DPH5: variants seen among roughly 807,000 people sequenced by gnomAD.
DPH5 encodes diphthamide biosynthesis 5, also known as diphthine methyl ester synthase.
In DPH5, 31 loss-of-function variants were observed where a neutral mutation model predicts 31.6. That is an observed-to-expected ratio of 0.98 (90% CI 0.74 to 1.32). DPH5 has a LOEUF of 1.32. DPH5 is among the 40% of genes most tolerant of loss of function. DPH5 has a pLI of 0.00. For synonymous variants in DPH5, 120 were observed against 115.0 expected (o/e 1.04, Z -0.28); for missense variants, 309 against 335.7 (o/e 0.92, Z 0.62).
chr1:101,025,119 C>G (rs146191755), intron 2 of DPH5, 190 bp downstream of exon 2: 8,552 of 652,430 alleles, frequency 0.013, 159 homozygotes, highest in Non-Finnish European at 0.011. Flanking sequence ...GACAAAGCAC[C>G]CTTTCATTTT....
At chr1:101,001,915 G>A (rs1039521420) in intron 4 of DPH5, among the ~76,000 whole-genome samples, 4 of 151,642 alleles carry the variant, frequency 2.6e-5, no homozygotes, top group Admixed American at 1.3e-4. Flanking sequence ...AAAAAAAAAA[G>A]AGTTCTGAGC....
chr1:101,009,931 G>T (rs1445617452), intron 4 of DPH5, among the ~76,000 whole-genome samples: 1 of 152,138 alleles, frequency 6.6e-6, no homozygotes, highest in Non-Finnish European at 1.5e-5. Flanking sequence ...TCCTCTGTAT[G>T]GAATATGCTA....
chr1:101,002,281 C>G (rs1167527865), intron 4 of DPH5, among the ~76,000 whole-genome samples: 1 of 152,192 alleles, frequency 6.6e-6, no homozygotes, highest in Non-Finnish European at 1.5e-5. Flanking sequence ...CTGATCCAGA[C>G]TGGCTGAACT....
chr1:101,021,619 C>A (rs1660447897), intron 3 of DPH5, 22 bp downstream of exon 3: 1 of 1,592,232 alleles, frequency 6.3e-7, no homozygotes, highest in South Asian at 1.1e-5. Context: ...GTTAAAAACT[C>A]AAAATATCTG....
Position 101,021,680 on chromosome 1 carries a change from A to G in DPH5, c.221T>C (p.Ile74Thr), listed in dbSNP as rs1660452531. Residue 74 changes from isoleucine (I) to threonine (T), a missense_variant, in exon 3 of 8, where the codon ATC (isoleucine) becomes ACC (threonine). Coordinates refer to ENST00000370109, the MANE Select transcript of DPH5 (RefSeq NM_015958.3). ...EADNILKDAD[I>T]SDVAFLVVGD... ...AACCACAAGGAATGCAACATCACTG[A>G]TATCAGCATCCTTTAAAATATTATC... 1.2e-6 allele frequency: 2 copies of G among 1,613,812 alleles called. No individual in the cohort carries two copies. The highest frequency in any genetic ancestry group is 1.3e-5 in the African/African-American group (1 of 74,916).
intron 4 of DPH5, among the ~76,000 whole-genome samples, chr1:101,003,638 T>C (rs1270334465): frequency 6.6e-6 from 1 of 152,222 alleles, no homozygotes; most frequent in African/African-American, 2.4e-5. Flanking sequence ...TGCCTAGTAG[T>C]GCCTTGCACA....
At chr1:101,007,023 C>T in intron 4 of DPH5, among the ~76,000 whole-genome samples, 1 of 152,104 alleles carries the variant, frequency 6.6e-6, no homozygotes, top group East Asian at 1.9e-4. Flanking sequence ...ATTTCAGTCA[C>T]CAAATTTCTA....
At chr1:101,012,581 T>C (rs1659779458) in intron 4 of DPH5, among the ~76,000 whole-genome samples, 4 of 152,216 alleles carry the variant, frequency 2.6e-5, no homozygotes, top group Admixed American at 2.0e-4. Flanking sequence ...GAACAGCATT[T>C]GACTTACTCC....
intron 7 of DPH5, among the ~76,000 whole-genome samples, chr1:100,991,213 C>CATTATTTGTTATGTTTA (rs1657664451): frequency 1.3e-5 from 2 of 152,118 alleles, no homozygotes; most frequent in East Asian, 3.8e-4. Context: ...GAGCATTTGG[C>CATTATTTGTTATGTTTA]ACTATTTATG....
chr1:101,008,513 C>A (rs1170517756), intron 4 of DPH5, among the ~76,000 whole-genome samples: 1 of 152,222 alleles, frequency 6.6e-6, no homozygotes, highest in Non-Finnish European at 1.5e-5. Flanking sequence ...AATTCTAAAT[C>A]TTTTCCATTA....
At chr1:100,990,678 T>C (rs761643913) in intron 7 of DPH5, 47 bp from the exon 8 acceptor site, 17 of 1,563,318 alleles carry the variant, frequency 1.1e-5, no homozygotes, top group Non-Finnish European at 1.5e-5. Context: ...AAATGCATCA[T>C]CCATCCAACA....
intron 3 of DPH5, among the ~76,000 whole-genome samples, chr1:101,019,416 C>A (rs1325066152): frequency 5.3e-5 from 8 of 152,090 alleles, no homozygotes; most frequent in Non-Finnish European, 1.0e-4. Flanking sequence ...CTGAACTGTA[C>A]ACTAAAATGG....
At position 101,021,817 on chromosome 1, in the gene DPH5, AACACACACACAC is replaced by A. The variant is rs67726104; in HGVS notation, c.136-64_136-53del. 2.0e-3 allele frequency: 1,460 copies of A among 738,928 alleles called. 5 individuals are homozygous for A. Among genetic ancestry groups the A allele is most frequent in the South Asian group, 0.015 (573 of 38,316 alleles). 45.8% of individuals were successfully genotyped at this position (738,928 alleles called of 1,614,324 possible). A position where few individuals can be genotyped will look rare whatever the true frequency, so the allele number is the denominator to read the frequency against. ...TAAAGAGACAGCAGGTGACCATTCT[AACACACACACAC>A]ACACACACACACACACACACACACA... On this transcript the variant is annotated intron_variant, in intron 2 of 7. Coordinates refer to ENST00000370109, the MANE Select transcript of DPH5 (RefSeq NM_015958.3).
intron 6 of DPH5, among the ~76,000 whole-genome samples, chr1:100,993,420 C>T (rs1385355244): frequency 8.6e-5 from 13 of 150,870 alleles, no homozygotes; most frequent in Non-Finnish European, 1.3e-4. Flanking sequence ...GGCTTGGTGG[C>T]GCACGCCTGT....
At chr1:101,001,350 C>T in intron 5 of DPH5, 117 bp downstream of exon 5, 2 of 1,017,850 alleles carry the variant, frequency 2.0e-6, no homozygotes, top group Non-Finnish European at 2.9e-6. Context: ...CATAGAATGG[C>T]TAGACTGTGT....
rs568984590 is a variant in DPH5 at position 101,008,651 on chromosome 1, TTGTA to T, written c.369+5055_369+5058del. Reference sequence around the variant, plus strand: ...CTTTGGTATTTATGTATGCACATATTTGTATGTGTGTGTGTGTTACTGCAATACC... The same window carrying T: ...CTTTGGTATTTATGTATGCACATATTTGTGTGTGTGTGTTACTGCAATACC... On this transcript the variant is annotated intron_variant, in intron 4 of 7. Coordinates refer to ENST00000370109, the MANE Select transcript of DPH5 (RefSeq NM_015958.3). Among the ~76,000 whole-genome samples, 314 of 152,340 alleles carry T rather than the reference TTGTA, an allele frequency of 2.1e-3. 1 individual carries two copies. Among genetic ancestry groups the T allele is most frequent in the African/African-American group, 7.3e-3 (304 of 41,574 alleles).
At chr1:101,002,040 A>G (rs1286479876) in intron 4 of DPH5, among the ~76,000 whole-genome samples, 1 of 152,190 alleles carries the variant, frequency 6.6e-6, no homozygotes, top group East Asian at 1.9e-4. Flanking sequence ...ATAAAAATAA[A>G]CACTTAAATC....
Position 100,992,651 on chromosome 1 carries a change from C to G in DPH5, c.620G>C (p.Arg207Pro). 6.2e-7 allele frequency: 1 copy of G among 1,613,714 alleles called. No homozygotes were observed. ...LLEIVQNQRI[R>P]GEEPAVTEET... ...GTCTTGAGTACCTGGTTCTTCTCCT[C>G]GTATTCTTTGATTTTGAACAATCTC... The change falls in exon 7 of 8, where the codon CGA (arginine) becomes CCA (proline). Residue 207 changes from arginine (R) to proline (P), a missense_variant. Coordinates refer to ENST00000370109, the MANE Select transcript of DPH5 (RefSeq NM_015958.3).
At position 101,021,642 on chromosome 1, in the gene DPH5, C is replaced by T. The variant is rs376902046; in HGVS notation, c.259G>A (p.Gly87Arg). Residue 87 changes from glycine (G) to arginine (R), a missense_variant and splice_region_variant, in exon 3 of 8, where the codon GGG becomes AGG. Gly to Arg is a moderately radical substitution (Grantham distance 125). Coordinates refer to ENST00000370109, the MANE Select transcript of DPH5 (RefSeq NM_015958.3). ...VAFLVVGDPFGATTHSDLVLR... is the reference protein window; with the variant it reads ...VAFLVVGDPFRATTHSDLVLR... ...CTCAAAATATCTGCCTTGACTTACC[C>T]AAATGGATCACCAACCACAAGGAAT... 3 of 1,611,368 alleles carry T rather than the reference C, an allele frequency of 1.9e-6. No homozygotes were observed. Among genetic ancestry groups the T allele is most frequent in the African/African-American group, 1.3e-5 (1 of 74,812 alleles).
Sources: allele counts gnomAD v4.1 joint callset (sites outside exome capture counted in the v4.1 genomes callset), GRCh38; gene constraint gnomAD v4.1.1; transcripts MANE v1.5; gene names NCBI Gene and HGNC (gene_info 2026-07-23, HGNC 2026-07-21).